CSMD1: variants seen among roughly 807,000 people sequenced by gnomAD.
CSMD1 encodes CUB and sushi domain-containing protein 1.
A neutral mutation model predicts 417.5 loss-of-function variants in CSMD1; 213 were observed. The observed-to-expected ratio is 0.51, with a 90% CI of 0.46 to 0.57. The LOEUF (loss-of-function observed/expected upper bound fraction) is 0.57. Among genes scored for constraint, CSMD1 ranks in the 20% least tolerant of loss-of-function variants. The probability of loss-of-function intolerance (pLI) is 0.00; values close to 1 mark genes in which losing one functional copy is unlikely to be tolerated. For missense variants in CSMD1, 6,923 were observed against 4,529.7 expected, an observed-to-expected ratio of 1.53 and a Z score of -15.17; for synonymous variants, 2,862 against 1,736.8, an observed-to-expected ratio of 1.65 and a Z score of -16.11.
intron 6 of CSMD1, among the ~76,000 whole-genome samples, chr8:3,720,515 A>G (rs1017649972): frequency 3.9e-5 from 6 of 152,174 alleles, no homozygotes; most frequent in Admixed American, 1.3e-4. Context: ...TTCTGCTGCC[A>G]TAGACCTTTT....
chr8:4,550,865 T>C (rs1052413558), intron 2 of CSMD1, among the ~76,000 whole-genome samples: 4 of 152,178 alleles, frequency 2.6e-5, no homozygotes, highest in Non-Finnish European at 1.5e-5. Flanking sequence ...CTCCTTGAAA[T>C]ACTTTGATCC....
At chr8:4,189,168 G>A (rs1241577211) in intron 3 of CSMD1, among the ~76,000 whole-genome samples, 1 of 152,230 alleles carries the variant, frequency 6.6e-6, no homozygotes, top group African/African-American at 2.4e-5. Flanking sequence ...CACAGAAGGT[G>A]CACACACAGC....
rs180752622 is a variant in CSMD1 at position 4,531,566 on chromosome 8, G to T, written c.302+105776C>A. 3.0e-4 allele frequency among the ~76,000 whole-genome samples: 46 copies of T among 152,238 alleles called. No homozygotes were observed. In the East Asian group the frequency reaches 8.1e-3, roughly 27 times the overall value. On this transcript the variant is annotated intron_variant, in intron 2 of 69. Transcript: ENST00000635120. ...GTGTAACTACATGTTAAAGTGTTTTGCCAGATGTAAAGTCCTGTATAAGTG... is the reference window on the plus strand; with the variant it reads ...GTGTAACTACATGTTAAAGTGTTTTTCCAGATGTAAAGTCCTGTATAAGTG...
At chr8:4,520,882 T>A (rs1803409020) in intron 2 of CSMD1, among the ~76,000 whole-genome samples, 1 of 152,198 alleles carries the variant, frequency 6.6e-6, no homozygotes, top group Non-Finnish European at 1.5e-5. Context: ...AACTTATTGC[T>A]GATGACATGT....
intron 2 of CSMD1, among the ~76,000 whole-genome samples, chr8:4,503,301 T>C (rs375384462): frequency 6.6e-6 from 1 of 152,248 alleles, no homozygotes; most frequent in African/African-American, 2.4e-5. Context: ...GTTGAAGTAT[T>C]TGCTGTCATT....
chr8:4,188,236 C>A (rs938956038), intron 3 of CSMD1, among the ~76,000 whole-genome samples: 9 of 152,196 alleles, frequency 5.9e-5, no homozygotes, highest in Non-Finnish European at 1.2e-4. Context: ...ACTCTGAGGA[C>A]CCAGAAAACA....
intron 13 of CSMD1, among the ~76,000 whole-genome samples, chr8:3,408,655 C>G (rs1032289024): frequency 1.5e-4 from 23 of 152,092 alleles, no homozygotes; most frequent in African/African-American, 5.3e-4. Context: ...AGTGCATTTT[C>G]TCCAGTAATT....
chr8:3,973,349 A>T (rs1813211274), intron 5 of CSMD1, among the ~76,000 whole-genome samples: 1 of 152,206 alleles, frequency 6.6e-6, no homozygotes, highest in Non-Finnish European at 1.5e-5. Flanking sequence ...GCTAGATAGA[A>T]GATTTTCAAA....
At chr8:3,212,861 C>T (rs1319476916) in intron 30 of CSMD1, among the ~76,000 whole-genome samples, 2 of 138,104 alleles carry the variant, frequency 1.4e-5, no homozygotes, top group Non-Finnish European at 1.5e-5. Context: ...GAGAGTTTCA[C>T]TCTTGTTGCC....
At chr8:2,982,633 G>A (rs572482917) in intron 54 of CSMD1, among the ~76,000 whole-genome samples, 3 of 152,288 alleles carry the variant, frequency 2.0e-5, no homozygotes, top group East Asian at 3.9e-4. Flanking sequence ...CAAAGCACCC[G>A]CACTATGACC....
At chr8:2,951,924 T>C (rs1307320123) in intron 65 of CSMD1, among the ~76,000 whole-genome samples, 1 of 152,234 alleles carries the variant, frequency 6.6e-6, no homozygotes. Context: ...CAAATGTTTC[T>C]TTTATACATG....
In CSMD1 at chr8:3,329,337, C is replaced by T. The variant is rs551684621; in HGVS notation, c.3631+13957G>A. 3.3e-5 allele frequency among the ~76,000 whole-genome samples: 5 copies of T among 152,122 alleles called. No individual in the cohort carries two copies. The South Asian group carries it at 8.3e-4, about 25-fold the overall frequency. On this transcript the variant is annotated intron_variant, in intron 23 of 69. Coordinates refer to ENST00000635120, the MANE Select transcript of CSMD1 (RefSeq NM_033225.6). ...CCTAAGAGCAGGCTTCATCATGACC[C>T]ATTTGCAGCGTGACAGAGCCCAGTT...
At position 4,030,647 on chromosome 8, in the gene CSMD1, C is replaced by T. The variant is rs187685375; in HGVS notation, c.610+1258G>A. The stretch of plus-strand genomic sequence containing the variant: ...TCTGACATGCCCTGGAGGCATTTTC[C>T]CCATGGTCTTGGGGATTAACTTTTG... On this transcript the variant is annotated intron_variant, in intron 4 of 69. Transcript: ENST00000635120. Among the ~76,000 whole-genome samples, 27 of 152,280 alleles carry T rather than the reference C, an allele frequency of 1.8e-4. No individual in the cohort carries two copies. In the Middle Eastern group the frequency reaches 0.017, roughly 96 times the overall value.
intron 1 of CSMD1, among the ~76,000 whole-genome samples, chr8:4,772,985 G>A (rs542348350): frequency 1.3e-5 from 2 of 152,268 alleles, no homozygotes; most frequent in African/African-American, 2.4e-5. Context: ...ACATGGATGA[G>A]TATGACTTCT....
chr8:4,331,936 A>G (rs1033034304), intron 3 of CSMD1, among the ~76,000 whole-genome samples: 3 of 152,206 alleles, frequency 2.0e-5, no homozygotes, highest in Admixed American at 2.0e-4. Flanking sequence ...TACAGTCTCC[A>G]TGACCATGGC....
intron 10 of CSMD1, among the ~76,000 whole-genome samples, chr8:3,565,322 T>G (rs1457870748): frequency 1.3e-5 from 2 of 148,206 alleles, no homozygotes; most frequent in Non-Finnish European, 2.9e-5. Context: ...GGGAGAAAAG[T>G]GAACAGGGCA....
intron 4 of CSMD1, among the ~76,000 whole-genome samples, chr8:4,026,792 A>G (rs1409982161): frequency 1.3e-5 from 2 of 152,244 alleles, no homozygotes; most frequent in African/African-American, 4.8e-5. Context: ...TTTGAAGTTG[A>G]CAAATGATTA....
At position 4,355,919 on chromosome 8, in the gene CSMD1, G is replaced by GTT. The variant is rs35240159; in HGVS notation, c.415+64032_415+64033dup. Among the ~76,000 whole-genome samples, 36 of 151,934 alleles carry GTT rather than the reference G, an allele frequency of 2.4e-4. 1 individual carries two copies. The highest frequency in any genetic ancestry group is 3.8e-4 in the Non-Finnish European group (26 of 67,974). ...GTGAGTCTCATGATTTGAATCAGCT[G>GTT]TTTTTTTGTTTTGTTTTGTTTGTAG... On this transcript the variant is annotated intron_variant, in intron 3 of 69. Coordinates refer to ENST00000635120, the MANE Select transcript of CSMD1 (RefSeq NM_033225.6).
chr8:4,193,910 G>A (rs1369611639), intron 3 of CSMD1, among the ~76,000 whole-genome samples: 1 of 151,830 alleles, frequency 6.6e-6, no homozygotes, highest in Admixed American at 6.6e-5. Flanking sequence ...GAAAGCGGCA[G>A]GAGAAAGTAC....
Sources: allele counts gnomAD v4.1 joint callset (sites outside exome capture counted in the v4.1 genomes callset), GRCh38; gene constraint gnomAD v4.1.1; transcripts MANE v1.5; gene names NCBI Gene and HGNC (gene_info 2026-07-23, HGNC 2026-07-21).